Variants in CAMTA1 observed in about 807,000 individuals in gnomAD.
CAMTA1 encodes calmodulin binding transcription activator 1.
CAMTA1 carries 27 observed loss-of-function variants against 170.9 expected under a neutral mutation model. That is an observed-to-expected ratio of 0.16 (90% confidence interval 0.12 to 0.22). The LOEUF is 0.22. CAMTA1 is among the 10% of genes least tolerant of loss of function. The probability of loss-of-function intolerance (pLI) is 1.00; values close to 1 mark genes in which losing one functional copy is unlikely to be tolerated. For synonymous variants in CAMTA1, 833 were observed against 891.5 expected, an observed-to-expected ratio of 0.93 and a Z score of 1.17; for missense variants, 1,619 against 2,217.2, an observed-to-expected ratio of 0.73 and a Z score of 5.42.
intron 5 of CAMTA1, among the ~76,000 whole-genome samples, chr1:7,258,886 C>G (rs1667783965): frequency 6.6e-6 from 1 of 152,136 alleles, no homozygotes; most frequent in African/African-American, 2.4e-5. Context: ...GTGGATTAGG[C>G]ACCAGCAGAG....
In CAMTA1 at chr1:7,345,038, A is replaced by G. The variant is rs574179175; in HGVS notation, c.438+95412A>G. Among the ~76,000 whole-genome samples the G allele has an allele frequency of 1.3e-3, 204 of 151,896 alleles. 1 individual carries two copies. The highest frequency in any genetic ancestry group is 4.7e-3 in the African/African-American group (194 of 41,408). On this transcript the variant is annotated intron_variant, in intron 5 of 22. Coordinates refer to ENST00000303635, the MANE Select transcript of CAMTA1 (RefSeq NM_015215.4). ...AGTGCTGGGATTACAGGTGTGAGCC[A>G]CCGCGCCCAGCCTCCTGCTCAAGTC...
At chr1:7,578,901 C>T (rs2095229758) in intron 6 of CAMTA1, among the ~76,000 whole-genome samples, 2 of 152,230 alleles carry the variant, frequency 1.3e-5, no homozygotes, top group South Asian at 4.1e-4. Context: ...AATTAAATTT[C>T]TAACACATGA....
chr1:7,132,353 C>T (rs1645311156), intron 4 of CAMTA1, among the ~76,000 whole-genome samples: 1 of 152,100 alleles, frequency 6.6e-6, no homozygotes, highest in Non-Finnish European at 1.5e-5. Flanking sequence ...TAGCTCACTG[C>T]AGCCTTGAAC....
At chr1:6,817,747 C>T (rs1646003389) in intron 1 of CAMTA1, among the ~76,000 whole-genome samples, 1 of 152,200 alleles carries the variant, frequency 6.6e-6, no homozygotes, top group African/African-American at 2.4e-5. Context: ...ATCCTCCCAC[C>T]TCAGTCTCCT....
intron 6 of CAMTA1, among the ~76,000 whole-genome samples, chr1:7,505,217 T>C (rs1046029656): frequency 6.6e-6 from 1 of 152,188 alleles, no homozygotes; most frequent in African/African-American, 2.4e-5. Context: ...AGGCCCTGAG[T>C]GGCCTCCAGG....
At chr1:7,729,792 T>C (rs368485730) in intron 11 of CAMTA1, among the ~76,000 whole-genome samples, 2 of 152,234 alleles carry the variant, frequency 1.3e-5, no homozygotes, top group African/African-American at 4.8e-5. Context: ...AGTGACGCAG[T>C]GGTGCCTGGT....
rs575485488 is a variant in CAMTA1, at chr1:7,596,581, C to T, written c.511-43819C>T. Among the ~76,000 whole-genome samples the T allele has an allele frequency of 7.9e-5, 12 of 152,300 alleles. No homozygotes were observed. The South Asian group carries it at 2.3e-3, about 29-fold the overall frequency. ...GGCCATGCACAAGGCCTGCTCCCACCCAGGCTGACAGGTGCCTGCTCCTCA... is the reference window on the plus strand; with the variant it reads ...GGCCATGCACAAGGCCTGCTCCCACTCAGGCTGACAGGTGCCTGCTCCTCA... On this transcript the variant is annotated intron_variant, in intron 6 of 22. Coordinates refer to ENST00000303635, the MANE Select transcript of CAMTA1 (RefSeq NM_015215.4).
chr1:7,359,509 C>G (rs773934360), intron 5 of CAMTA1, among the ~76,000 whole-genome samples: 3 of 152,218 alleles, frequency 2.0e-5, no homozygotes, highest in Non-Finnish European at 4.4e-5. Flanking sequence ...CACAATCCTC[C>G]TCATCCCTCA....
chr1:7,685,588 C>A lies in CAMTA1; in HGVS notation c.2914+7855C>A, dbSNP rs2149352657. Among the ~76,000 whole-genome samples, 1 of 152,324 alleles carries A rather than the reference C, an allele frequency of 6.6e-6. No individual in the cohort carries two copies. Among genetic ancestry groups the A allele is most frequent in the Non-Finnish European group, 1.5e-5 (1 of 68,028 alleles). ...CACTCCCCTGCTTGCTCCTCAGTCT[C>A]CAAGCTTCTCCTTCCAAAATTCTCT... On this transcript the variant is annotated intron_variant, in intron 11 of 22. Coordinates refer to ENST00000303635, the MANE Select transcript of CAMTA1 (RefSeq NM_015215.4). The surrounding 1 kb of genome is among the most constrained non-coding windows in gnomAD (Gnocchi z 5.7).
chr1:7,259,421 A>G (rs975984479), intron 5 of CAMTA1, among the ~76,000 whole-genome samples: 20 of 152,222 alleles, frequency 1.3e-4, no homozygotes, highest in African/African-American at 4.6e-4. Flanking sequence ...CCCAGGGGGT[A>G]TTAGAAGTGC....
chr1:7,389,962 C>G (rs529812452), intron 5 of CAMTA1, among the ~76,000 whole-genome samples: 1 of 152,284 alleles, frequency 6.6e-6, no homozygotes, highest in Admixed American at 6.5e-5. Context: ...CTATTTGTGT[C>G]CCCCGCCTTC....
intron 11 of CAMTA1, among the ~76,000 whole-genome samples, chr1:7,687,618 C>G (rs538266248): frequency 6.6e-6 from 1 of 152,330 alleles, no homozygotes; most frequent in East Asian, 1.9e-4. Flanking sequence ...CAGCAGAAGG[C>G]AAGGCCCCGT....
rs536839702 is a variant in CAMTA1, at chr1:6,933,913, A to G, written c.234+108703A>G. Among the ~76,000 whole-genome samples, 4 of 152,296 alleles carry G rather than the reference A, an allele frequency of 2.6e-5. No individual in the cohort carries two copies. In the South Asian group the frequency reaches 8.3e-4, roughly 32 times the overall value. On this transcript the variant is annotated intron_variant, in intron 3 of 22. Transcript: ENST00000303635. Reference sequence around the variant, plus strand: ...AAATCCTGTGAATCTAAGTCGTGTTAGCTCTGCAACTTTATTCTTGTTCAA... The same window carrying G: ...AAATCCTGTGAATCTAAGTCGTGTTGGCTCTGCAACTTTATTCTTGTTCAA...
At chr1:7,619,988 T>G (rs1351216499) in intron 6 of CAMTA1, among the ~76,000 whole-genome samples, 1 of 152,148 alleles carries the variant, frequency 6.6e-6, no homozygotes, top group Non-Finnish European at 1.5e-5. Context: ...TTCAAAGCAA[T>G]GTATATGTAC....
intron 3 of CAMTA1, among the ~76,000 whole-genome samples, chr1:6,993,276 T>C (rs1696681075): frequency 6.6e-6 from 1 of 152,210 alleles, no homozygotes; most frequent in Non-Finnish European, 1.5e-5. Flanking sequence ...ATTAGGATAG[T>C]GTTATAGATT....
chr1:6,811,882 CTCT>C (rs1352902138), intron 1 of CAMTA1, among the ~76,000 whole-genome samples: 13 of 152,290 alleles, frequency 8.5e-5, no homozygotes, highest in African/African-American at 3.1e-4. Context: ...CAGTGTCATT[CTCT>C]TCTTTAGTTT....
intron 1 of CAMTA1, among the ~76,000 whole-genome samples, chr1:6,813,484 T>G (rs940029888): frequency 6.6e-6 from 1 of 151,952 alleles, no homozygotes; most frequent in Admixed American, 6.5e-5. Flanking sequence ...TTTTAAGTTT[T>G]TTTTTTTTTT....
intron 5 of CAMTA1, among the ~76,000 whole-genome samples, chr1:7,409,957 T>A (rs189748011): frequency 1.3e-5 from 2 of 152,132 alleles, no homozygotes; most frequent in Admixed American, 1.3e-4. Context: ...GGAGAGTTAC[T>A]GAGCAGGAAG....
chr1:7,277,153 T>C (rs1356624653), intron 5 of CAMTA1, among the ~76,000 whole-genome samples: 1 of 152,252 alleles, frequency 6.6e-6, no homozygotes, highest in Admixed American at 6.5e-5. Context: ...AGTTGATCTA[T>C]AGCTTCAATG....
Sources: allele counts gnomAD v4.1 joint callset (sites outside exome capture counted in the v4.1 genomes callset), GRCh38; gene constraint gnomAD v4.1.1; non-coding constraint Gnocchi (gnomAD v3.1); transcripts MANE v1.5; gene names NCBI Gene and HGNC (gene_info 2026-07-23, HGNC 2026-07-21).